The following CUX1 variants were observed in gnomAD, a reference collection of about 807,000 sequenced individuals.
CUX1 encodes cut like homeobox 1.
A neutral mutation model predicts 158.8 loss-of-function variants in CUX1; 31 were observed. The observed-to-expected ratio is 0.20, with a 90% CI of 0.15 to 0.26. CUX1 has a LOEUF of 0.26. Ranked by LOEUF, CUX1 falls within the 10% of genes least tolerant of loss-of-function variation. The pLI is 1.00. For synonymous variants in CUX1, 879 were observed against 862.1 expected (o/e 1.02, Z -0.34); for missense variants, 1,589 against 2,014.6 (o/e 0.79, Z 4.04).
intron 3 of CUX1, among the ~76,000 whole-genome samples, chr7:102,044,522 T>G (rs1390264073): frequency 6.6e-6 from 1 of 152,116 alleles, no homozygotes; most frequent in African/African-American, 2.4e-5. Flanking sequence ...GGGTGCCTGT[T>G]TTCTTGTTAT....
intron 1 of CUX1, among the ~76,000 whole-genome samples, chr7:101,857,850 T>C (rs1425346918): frequency 4.0e-5 from 6 of 151,756 alleles, no homozygotes; most frequent in East Asian, 1.9e-4. Context: ...GGGCTGGGGG[T>C]GGTGGCTCAC....
At chr7:101,840,327 C>T (rs1413187372) in intron 1 of CUX1, among the ~76,000 whole-genome samples, 1 of 152,174 alleles carries the variant, frequency 6.6e-6, no homozygotes, top group Non-Finnish European at 1.5e-5. Context: ...GTGATAGAGG[C>T]TGCCCTTTTC....
chr7:102,040,614 G>T (rs554089159), intron 3 of CUX1, among the ~76,000 whole-genome samples: 118 of 152,310 alleles, frequency 7.7e-4, no homozygotes, highest in African/African-American at 2.7e-3. Flanking sequence ...AACTACAGCA[G>T]TCTATGAATG....
Position 102,201,266 on chromosome 7 carries a change from C to G in CUX1, c.2063-94C>G, listed in dbSNP as rs1293109226. 9 of 1,526,284 alleles carry G rather than the reference C, an allele frequency of 5.9e-6. No individual in the cohort carries two copies. The highest frequency in any genetic ancestry group is 1.3e-5 in the South Asian group (1 of 79,990). The allele number at this position is 1,526,284 out of a possible 1,614,324, so 94.5% of individuals were successfully genotyped here. ...ACACAGTGTGGTTCTCCCAAATAAC[C>G]CACACTTTGCAGTAGGTCAAGTTAG... On this transcript the variant is annotated intron_variant, in intron 17 of 23. Transcript: ENST00000292535. This position sits in a 1 kb window ranked among gnomAD's most constrained non-coding sequence, Gnocchi z 5.0.
chr7:102,239,626 G>A (rs781899750), intron 23 of CUX1, 42 bp downstream of exon 23: 8 of 1,589,574 alleles, frequency 5.0e-6, no homozygotes. Flanking sequence ...CGGCCCAGGG[G>A]AAGGGGCTGA....
intron 1 of CUX1, among the ~76,000 whole-genome samples, chr7:101,872,248 T>C (rs565492030): frequency 5.3e-5 from 8 of 152,120 alleles, no homozygotes; most frequent in African/African-American, 9.6e-5. Context: ...ATTCTCATGC[T>C]GCAGTCTCCC....
Position 102,184,974 on chromosome 7 carries a change from C to G in CUX1, c.1018-4839C>G, listed in dbSNP as rs556889703. 2.0e-5 allele frequency among the ~76,000 whole-genome samples: 3 copies of G among 152,278 alleles called. No homozygotes were observed. In the South Asian group the frequency reaches 6.2e-4, roughly 32 times the overall value. ...CAAGTGCATTTTTCAGGAAGATGAC[C>G]AGTTCCCAGATTCTCTTTCCACAGC... On this transcript the variant is annotated intron_variant, in intron 11 of 23. Coordinates refer to ENST00000292535, the MANE Select transcript of CUX1 (RefSeq NM_181552.4).
chr7:102,018,015 G>A (rs1245100861), intron 2 of CUX1, among the ~76,000 whole-genome samples: 1 of 152,150 alleles, frequency 6.6e-6, no homozygotes, highest in African/African-American at 2.4e-5. Context: ...GGAGTGCAGT[G>A]GCATGATTAT....
At chr7:102,016,501 C>A (rs1377823724) in intron 2 of CUX1, among the ~76,000 whole-genome samples, 2 of 152,212 alleles carry the variant, frequency 1.3e-5, no homozygotes, top group Non-Finnish European at 2.9e-5. Context: ...CAAGTCTTTG[C>A]TGTTCTTCAA....
chr7:102,033,187 G>A lies in CUX1; in HGVS notation c.189+5042G>A, dbSNP rs191863367. ...ACAGTAGGCTGGTATGATGGCTCAC[G>A]CCTGTAGTCCCAGCACTTTGGGAGG... is the stretch of plus-strand genomic sequence containing the variant. On this transcript the variant is annotated intron_variant, in intron 3 of 23. Coordinates refer to ENST00000292535, the MANE Select transcript of CUX1 (RefSeq NM_181552.4). Among the ~76,000 whole-genome samples the A allele has an allele frequency of 8.5e-5, 13 of 152,238 alleles. No homozygotes were observed. In the East Asian group the frequency reaches 1.2e-3, roughly 14 times the overall value.
intron 23 of CUX1, among the ~76,000 whole-genome samples, chr7:102,246,164 A>G (rs1284429486): frequency 6.6e-6 from 1 of 152,012 alleles, no homozygotes; most frequent in Non-Finnish European, 1.5e-5. Flanking sequence ...CACTACCCAT[A>G]TAGCCTCCCG....
At chr7:102,004,121 C>T (rs955075632) in intron 2 of CUX1, among the ~76,000 whole-genome samples, 1 of 152,198 alleles carries the variant, frequency 6.6e-6, no homozygotes, top group African/African-American at 2.4e-5. Flanking sequence ...CAAGGTGGAC[C>T]AGGTGAGCTA....
chr7:102,234,870 CAG>C (rs1389489631), intron 22 of CUX1, among the ~76,000 whole-genome samples: 5 of 151,624 alleles, frequency 3.3e-5, no homozygotes, highest in Admixed American at 1.3e-4. Flanking sequence ...AGGCGGTGAA[CAG>C]AGATTGAGCC....
chr7:102,275,510 G>A, intron 17 of CUX1: 1 of 611,498 alleles, frequency 1.6e-6, no homozygotes. Context: ...TCCTGGAGGA[G>A]GTCATGCCAC....
chr7:102,255,603 T>C lies in CUX1; in HGVS notation c.*6561T>C. 1 of 985,370 alleles carries C rather than the reference T, an allele frequency of 1.0e-6. No individual in the cohort carries two copies. The highest frequency in any genetic ancestry group is 1.2e-6 in the Non-Finnish European group (1 of 829,890). 61.0% of individuals were successfully genotyped at this position (985,370 alleles called of 1,614,324 possible). On this transcript the variant is annotated 3_prime_UTR_variant, in exon 24 of 24. Coordinates refer to ENST00000292535, the MANE Select transcript of CUX1 (RefSeq NM_181552.4). ...ACGCTTTAATTTCTACCACAAAATATGCTATATGCTATGTATCAAGCTTTC... is the reference window on the plus strand; with the variant it reads ...ACGCTTTAATTTCTACCACAAAATACGCTATATGCTATGTATCAAGCTTTC...
chr7:102,007,030 C>A (rs1817462133), intron 2 of CUX1, among the ~76,000 whole-genome samples: 2 of 152,248 alleles, frequency 1.3e-5, no homozygotes, highest in Admixed American at 1.3e-4. Flanking sequence ...GGATGGATCT[C>A]TCATCTTTGC....
chr7:102,162,618 G>A lies in CUX1; in HGVS notation c.723+4010G>A, dbSNP rs369343096. ...GTAGAGATAACTCCTGGGCTCAAGC[G>A]ATCTGCCCACCTCGGCCTCCCAAAG... On this transcript the variant is annotated intron_variant, in intron 9 of 23. Transcript: ENST00000292535. Among the ~76,000 whole-genome samples, 10 of 152,318 alleles carry A rather than the reference G, an allele frequency of 6.6e-5. 1 individual carries two copies. The South Asian group carries it at 1.4e-3, about 22-fold the overall frequency.
chr7:101,964,178 C>T (rs1414672654), intron 2 of CUX1, among the ~76,000 whole-genome samples: 1 of 151,914 alleles, frequency 6.6e-6, no homozygotes, highest in Non-Finnish European at 1.5e-5. Flanking sequence ...ATGGTGAAAC[C>T]ACGTCTCTAC....
In CUX1 at chr7:102,170,985, C is replaced by T. The variant is rs376549074; in HGVS notation, c.828+435C>T. ...GATGAGCTGGGAGGGTAGGGGTGGGCGGGCAGAGAGGTAATAAAATAACAT... is the reference window on the plus strand; with the variant it reads ...GATGAGCTGGGAGGGTAGGGGTGGGTGGGCAGAGAGGTAATAAAATAACAT... On this transcript the variant is annotated intron_variant, in intron 10 of 23. Coordinates refer to ENST00000292535, the MANE Select transcript of CUX1 (RefSeq NM_181552.4). Among the ~76,000 whole-genome samples the T allele has an allele frequency of 3.2e-5, 4 of 126,566 alleles. 1 individual carries two copies. The South Asian group carries it at 8.4e-4, about 27-fold the overall frequency. 83.0% of individuals were successfully genotyped at this position (126,566 alleles called of 152,430 possible).
Sources: allele counts gnomAD v4.1 joint callset (sites outside exome capture counted in the v4.1 genomes callset), GRCh38; gene constraint gnomAD v4.1.1; non-coding constraint Gnocchi (gnomAD v3.1); transcripts MANE v1.5; gene names NCBI Gene and HGNC (gene_info 2026-07-23, HGNC 2026-07-21).